Variants in DDX60 observed in about 807,000 individuals in gnomAD.
DDX60 encodes DExD/H-box helicase 60, also known as probable ATP-dependent RNA helicase DDX60.
In DDX60, 165 loss-of-function variants were observed where a neutral mutation model predicts 212.8. The observed-to-expected ratio is 0.78, with a 90% confidence interval of 0.68 to 0.88. The LOEUF is 0.88. Ranked by LOEUF, DDX60 falls within the 40% of genes least tolerant of loss-of-function variation. The pLI is 0.00. For missense variants in DDX60, 1,905 were observed against 2,003.9 expected, an observed-to-expected ratio of 0.95 and a Z score of 0.94; for synonymous variants, 703 against 685.3, an observed-to-expected ratio of 1.03 and a Z score of -0.40.
intron 19 of DDX60, among the ~76,000 whole-genome samples, chr4:168,271,775 AATTCT>A (rs773127899): frequency 6.6e-6 from 1 of 152,198 alleles, no homozygotes; most frequent in Non-Finnish European, 1.5e-5. Flanking sequence ...AGGATGGTTG[AATTCT>A]ATTTCCCCTG....
At chr4:168,301,955 T>C (rs983047618) in intron 6 of DDX60, among the ~76,000 whole-genome samples, 2 of 152,170 alleles carry the variant, frequency 1.3e-5, no homozygotes, top group African/African-American at 4.8e-5. Flanking sequence ...TTCAAAAATG[T>C]CAAGGTCATG....
chr4:168,249,780 A>G (rs1734150391), intron 28 of DDX60, among the ~76,000 whole-genome samples: 1 of 152,218 alleles, frequency 6.6e-6, no homozygotes, highest in Non-Finnish European at 1.5e-5. Context: ...AGTTAAGAGA[A>G]AAGCATAGCA....
chr4:168,296,786 T>A (rs931700826), intron 6 of DDX60, among the ~76,000 whole-genome samples: 1 of 151,662 alleles, frequency 6.6e-6, no homozygotes, highest in Non-Finnish European at 1.5e-5. Context: ...AGTAATAATA[T>A]CAGCAATTAT....
At chr4:168,227,131 T>C (rs571039131) in intron 33 of DDX60, among the ~76,000 whole-genome samples, 1 of 152,098 alleles carries the variant, frequency 6.6e-6, no homozygotes, top group South Asian at 2.1e-4. Context: ...AATATACATA[T>C]ATAGTGATGT....
rs1735528872 is a variant in DDX60, at chr4:168,280,235, A to C, written c.1978+100T>G. ...TGTATAAAGTAAGATAGGGCATGTA[A>C]GTCTTCTAATGCAAATTTCCAGTTA... On this transcript the variant is annotated intron_variant, in intron 14 of 37. Transcript: ENST00000393743. The C allele has an allele frequency of 7.8e-6, 11 of 1,417,148 alleles. 1 individual carries two copies. The highest frequency in any genetic ancestry group is 2.8e-5 in the South Asian group (2 of 72,262). The allele number at this position is 1,417,148 out of a possible 1,614,324, so 87.8% of individuals were successfully genotyped here.
At chr4:168,236,035 C>T in intron 33 of DDX60, 4 of 428,560 alleles carry the variant, frequency 9.3e-6, no homozygotes, top group South Asian at 3.8e-5. Flanking sequence ...AATGTTTATC[C>T]TCTTTTTTTT....
chr4:168,292,144 T>G (rs1284336850), intron 7 of DDX60, among the ~76,000 whole-genome samples: 1 of 148,468 alleles, frequency 6.7e-6, no homozygotes. Flanking sequence ...CAACCCAAGG[T>G]TCAAGTGATT....
At chr4:168,260,786 TGG>T (rs1734593004) in intron 25 of DDX60, 77 bp downstream of exon 25, 2 of 1,272,712 alleles carry the variant, frequency 1.6e-6, no homozygotes, top group Admixed American at 3.9e-5. Context: ...GTCTGTGGCC[TGG>T]AGGTTGGGGA....
chr4:168,320,445 A>G (rs1737577369), upstream of DDX60, among the ~76,000 whole-genome samples: 1 of 152,064 alleles, frequency 6.6e-6, no homozygotes, highest in Non-Finnish European at 1.5e-5. Flanking sequence ...TCTAGAAACT[A>G]CCAAAGGCAA....
rs754588540 is a variant in DDX60, at chr4:168,255,881, A to C, written c.3399-12T>G. On this transcript the variant is annotated splice_polypyrimidine_tract_variant and intron_variant, in intron 25 of 37. Transcript: ENST00000393743. ...CTCCTAACTTGAATCTGGAAATAAA[A>C]AGAATGTGCGCCTTGAAAATAACAT... The C allele has an allele frequency of 1.3e-6, 2 of 1,570,960 alleles. No homozygotes were observed. Among genetic ancestry groups the C allele is most frequent in the Non-Finnish European group, 8.6e-7 (1 of 1,167,490 alleles).
At chr4:168,305,341 A>C (rs1736828811) in intron 5 of DDX60, among the ~76,000 whole-genome samples, 1 of 152,314 alleles carries the variant, frequency 6.6e-6, no homozygotes, top group African/African-American at 2.4e-5. Context: ...AACCATGTGG[A>C]TATTTCCAAA....
In DDX60 at chr4:168,293,810, C is replaced by T; in HGVS notation, c.859G>A (p.Gly287Ser). The stretch of plus-strand genomic sequence containing the variant: ...ACCTGTTGGATCTCAGTTTCCTGAC[C>T]AGAGGAGGGCTCTCTGTTTCCTAAA... ...RFLGNREPSS[G>S]QETEIQQVNS... The change falls in exon 7 of 38, where the codon GGT becomes AGT. Residue 287 changes from glycine (G) to serine (S), a missense_variant. Physicochemically the swap from Gly to Ser is moderately conservative, Grantham distance 56. Transcript: ENST00000393743. The T allele has an allele frequency of 6.2e-7, 1 of 1,612,294 alleles. No homozygotes were observed. The highest frequency in any genetic ancestry group is 8.5e-7 in the Non-Finnish European group (1 of 1,179,422).
chr4:168,275,448 C>T lies in DDX60; in HGVS notation c.2201G>A (p.Gly734Glu), dbSNP rs775630616. The T allele has an allele frequency of 1.2e-6, 2 of 1,611,446 alleles. No homozygotes were observed. Among genetic ancestry groups the T allele is most frequent in the Non-Finnish European group, 1.7e-6 (2 of 1,178,846 alleles). Residue 734 changes from glycine (G) to glutamate (E), a missense_variant, in exon 16 of 38, where the codon GGG becomes GAG. By Grantham distance (98) the Gly-to-Glu change is moderately conservative. Coordinates refer to ENST00000393743, the MANE Select transcript of DDX60 (RefSeq NM_017631.6). ...GTATTGCAGTTGGAACCGAGCTGGC[C>T]CAATGCCAACTGAATATTTATTCCT... ...KKRNKYSVGI[G>E]PARFQLQYMG...
intron 19 of DDX60, among the ~76,000 whole-genome samples, chr4:168,271,618 T>C (rs751119757): frequency 1.3e-5 from 2 of 152,252 alleles, no homozygotes; most frequent in African/African-American, 2.4e-5. Context: ...ACTTCTTGAA[T>C]TATTGCATTT....
At chr4:168,286,809 T>G (rs760730588) in intron 10 of DDX60, among the ~76,000 whole-genome samples, 1 of 152,176 alleles carries the variant, frequency 6.6e-6, no homozygotes, top group Non-Finnish European at 1.5e-5. Flanking sequence ...ATGGAAGTCA[T>G]ATATATCTGG....
chr4:168,255,406 T>C (rs1193439175), intron 26 of DDX60, among the ~76,000 whole-genome samples: 2 of 152,202 alleles, frequency 1.3e-5, no homozygotes, highest in African/African-American at 4.8e-5. Context: ...AGTTCATATA[T>C]GTATCAAAGA....
chr4:168,237,564 T>A, intron 31 of DDX60, 127 bp downstream of exon 31: 1 of 1,119,602 alleles, frequency 8.9e-7, no homozygotes, highest in Middle Eastern at 2.8e-4. Context: ...ACTTTTATAA[T>A]TATACCATTT....
intron 33 of DDX60, among the ~76,000 whole-genome samples, chr4:168,234,963 T>G (rs534070940): frequency 1.1e-4 from 16 of 152,230 alleles, no homozygotes; most frequent in African/African-American, 3.6e-4. Context: ...AGAATAAGGC[T>G]AGTTAGTCTT....
chr4:168,285,750 A>C (rs1013286841), intron 10 of DDX60, among the ~76,000 whole-genome samples: 1 of 146,882 alleles, frequency 6.8e-6, no homozygotes, highest in Non-Finnish European at 1.5e-5. Context: ...GTGGATATGC[A>C]TGGGGGATGG....
Sources: allele counts gnomAD v4.1 joint callset (sites outside exome capture counted in the v4.1 genomes callset), GRCh38; gene constraint gnomAD v4.1.1; transcripts MANE v1.5; gene names NCBI Gene and HGNC (gene_info 2026-07-23, HGNC 2026-07-21).